Variants in ACBD5 observed in about 807,000 individuals in gnomAD.
ACBD5 encodes acyl-CoA-binding domain-containing protein 5.
A neutral mutation model predicts 71.8 loss-of-function variants in ACBD5; 40 were observed. The observed-to-expected ratio is 0.56, with a 90% CI of 0.43 to 0.72. ACBD5 has a LOEUF of 0.72. ACBD5 is among the 30% of genes least tolerant of loss of function. The pLI is 0.00. For missense variants in ACBD5, 559 were observed against 644.5 expected (o/e 0.87, Z 1.44); for synonymous variants, 229 against 218.6 (o/e 1.05, Z -0.42).
chr10:27,223,109 C>A, intron 5 of ACBD5: 2 of 692,468 alleles, frequency 2.9e-6, no homozygotes, highest in South Asian at 1.6e-5. Flanking sequence ...GGAATGAAAA[C>A]TCCTGGGTGA....
At chr10:27,237,304 A>G (rs1009195857) in intron 2 of ACBD5, among the ~76,000 whole-genome samples, 2 of 152,332 alleles carry the variant, frequency 1.3e-5, no homozygotes, top group African/African-American at 4.8e-5. Flanking sequence ...GTGCTCACAC[A>G]TGATGTACTT....
chr10:27,194,779 C>T (rs143380485), downstream of ACBD5, among the ~76,000 whole-genome samples: 7 of 151,782 alleles, frequency 4.6e-5, no homozygotes, highest in Non-Finnish European at 7.4e-5. Flanking sequence ...GGGTAGATCA[C>T]GAGGTCAAGA....
chr10:27,194,932 G>C (rs1185618491), downstream of ACBD5, among the ~76,000 whole-genome samples: 3 of 152,110 alleles, frequency 2.0e-5, no homozygotes, highest in Non-Finnish European at 4.4e-5. Context: ...AGAGGCGGAG[G>C]TTGCAGTGAG....
At chr10:27,216,476 T>C (rs568185836) in intron 7 of ACBD5, among the ~76,000 whole-genome samples, 1 of 151,558 alleles carries the variant, frequency 6.6e-6, no homozygotes, top group African/African-American at 2.4e-5. Context: ...GAGTTTCACA[T>C]TGTTGGTCAG....
chr10:27,189,680 G>A (rs1159646747), intron 13 of ACBD5, among the ~76,000 whole-genome samples: 1 of 150,898 alleles, frequency 6.6e-6, no homozygotes, highest in Non-Finnish European at 1.5e-5. Flanking sequence ...ACGAGTTAAT[G>A]GGTGCAGCAC....
At chr10:27,217,176 C>T (rs1420993230) in intron 7 of ACBD5, among the ~76,000 whole-genome samples, 2 of 141,846 alleles carry the variant, frequency 1.4e-5, no homozygotes, top group Non-Finnish European at 3.0e-5. Flanking sequence ...TGTTTCTCGG[C>T]CGGGCGCGTT....
chr10:27,193,979 G>A (rs183079289), downstream of ACBD5, among the ~76,000 whole-genome samples: 340 of 152,254 alleles, frequency 2.2e-3, no homozygotes, highest in African/African-American at 7.8e-3. Flanking sequence ...GGCCAGGCGC[G>A]GTGGCTCACA....
At chr10:27,227,602 C>T (rs2063248806) in intron 4 of ACBD5, among the ~76,000 whole-genome samples, 1 of 152,138 alleles carries the variant, frequency 6.6e-6, no homozygotes, top group Non-Finnish European at 1.5e-5. Flanking sequence ...ATGAGTGAAA[C>T]CTTAAAACAA....
intron 2 of ACBD5, among the ~76,000 whole-genome samples, chr10:27,235,938 C>A (rs1370320908): frequency 2.0e-5 from 3 of 151,898 alleles, no homozygotes; most frequent in Non-Finnish European, 4.4e-5. Context: ...CATAGCAAAA[C>A]CCTGTCTCTA....
chr10:27,204,384 G>C (rs2060247148), intron 12 of ACBD5, 56 bp downstream of exon 12: 1 of 1,317,368 alleles, frequency 7.6e-7, no homozygotes, highest in Admixed American at 1.7e-5. Context: ...TGAAAACTCT[G>C]TCTACTATAG....
chr10:27,226,805 C>T (rs551913473), intron 4 of ACBD5, among the ~76,000 whole-genome samples: 276 of 151,808 alleles, frequency 1.8e-3, no homozygotes, highest in Non-Finnish European at 3.4e-3. Flanking sequence ...GCATGCACCA[C>T]CATGATCAGC....
chr10:27,194,970 T>TG (rs1304276206), downstream of ACBD5, among the ~76,000 whole-genome samples: 3 of 152,112 alleles, frequency 2.0e-5, no homozygotes, highest in East Asian at 1.9e-4. Context: ...CACTCTAGCC[T>TG]GGCAACAGAG....
chr10:27,236,424 G>A (rs74459755), intron 2 of ACBD5, among the ~76,000 whole-genome samples: 7,962 of 152,048 alleles, frequency 0.052, 548 homozygotes, highest in African/African-American at 0.16. Context: ...AACATAAAAT[G>A]TTTAAAGACT....
At position 27,197,142 on chromosome 10, in the gene ACBD5, T is replaced by C. The variant is rs765043505; in HGVS notation, c.*288A>G. 1 of 523,734 alleles carries C rather than the reference T, an allele frequency of 1.9e-6. No individual in the cohort carries two copies. Among genetic ancestry groups the C allele is most frequent in the South Asian group, 1.9e-5 (1 of 52,414 alleles). The allele number at this position is 523,734 out of a possible 1,614,324, so 32.4% of individuals were successfully genotyped here. On this transcript the variant is annotated 3_prime_UTR_variant, in exon 13 of 13. Coordinates refer to ENST00000396271, the MANE Select transcript of ACBD5 (RefSeq NM_145698.5). The stretch of plus-strand genomic sequence containing the variant: ...ATCAGGTAAACATGTTACCAAATGA[T>C]CATTAATAATTTAATGTCCTTCAAG...
chr10:27,199,228 G>T (rs577177301), intron 12 of ACBD5, among the ~76,000 whole-genome samples: 2 of 149,914 alleles, frequency 1.3e-5, no homozygotes, highest in African/African-American at 4.9e-5. Flanking sequence ...TCGCTCTGTC[G>T]CCCAGGCTGG....
intron 13 of ACBD5, among the ~76,000 whole-genome samples, chr10:27,189,628 G>GGGGGGGA (rs1554821112): frequency 2.1e-4 from 27 of 126,778 alleles, no homozygotes; most frequent in Non-Finnish European, 2.6e-4. Context: ...GTTGTGGGGT[G>GGGGGGGA]GGGGGGAGGG....
At chr10:27,228,327 G>C (rs920305341) in intron 4 of ACBD5, among the ~76,000 whole-genome samples, 1 of 150,254 alleles carries the variant, frequency 6.7e-6, no homozygotes, top group Non-Finnish European at 1.5e-5. Flanking sequence ...TATAATCCCA[G>C]CACTTTGGGA....
In ACBD5 at chr10:27,240,514, C is replaced by T; in HGVS notation, c.16-30G>A. On this transcript the variant is annotated intron_variant, in intron 1 of 12. Transcript: ENST00000396271. This position sits in a 1 kb window ranked among gnomAD's most constrained non-coding sequence, Gnocchi z 4.1. The stretch of plus-strand genomic sequence containing the variant: ...AACATGGAGCGCAGCCGCGGATCAA[C>T]ATGCCCCAAAAGGAGGAGGCCCGGG... The T allele has an allele frequency of 1.3e-6, 2 of 1,576,014 alleles. No homozygotes were observed. The highest frequency in any genetic ancestry group is 1.7e-6 in the Non-Finnish European group (2 of 1,159,688).
chr10:27,230,268 T>G (rs2063678652), intron 4 of ACBD5, among the ~76,000 whole-genome samples: 1 of 151,144 alleles, frequency 6.6e-6, no homozygotes, highest in Non-Finnish European at 1.5e-5. Context: ...TGCAAGAATG[T>G]AATAAAGGGC....
Sources: gnomAD v4.1 joint callset for allele counts (sites outside exome capture counted in the v4.1 genomes callset) on GRCh38, gnomAD v4.1.1 for gene constraint, Gnocchi (gnomAD v3.1) non-coding constraint, MANE v1.5 for transcripts, NCBI Gene and HGNC (gene_info 2026-07-23, HGNC 2026-07-21) for gene names.